Variants in NHLRC3 observed in about 807,000 individuals in gnomAD.
The protein encoded by NHLRC3 is NHL repeat-containing protein 3.
A neutral mutation model predicts 32.0 loss-of-function variants in NHLRC3; 23 were observed. The observed-to-expected ratio is 0.72, with a 90% CI of 0.52 to 1.02. NHLRC3 has a LOEUF of 1.02. Ranked by LOEUF, NHLRC3 falls within the 50% of genes least tolerant of loss-of-function variation. The pLI is 0.00. For missense variants in NHLRC3, 407 were observed against 406.8 expected (o/e 1.00, Z -0.01); for synonymous variants, 159 against 147.9 (o/e 1.08, Z -0.55).
At chr13:39,047,197 A>G (rs972987816) in intron 6 of NHLRC3, 45 bp downstream of exon 6, 1 of 1,080,480 alleles carries the variant, frequency 9.3e-7, no homozygotes, top group South Asian at 1.4e-5. Context: ...TAGTTAGTGT[A>G]TGTGTCTCAC....
At chr13:39,043,964 C>A in intron 4 of NHLRC3, 126 bp from the exon 5 acceptor site, 2 of 713,172 alleles carry the variant, frequency 2.8e-6, no homozygotes, top group Non-Finnish European at 4.9e-6. Context: ...ACAGGAAAGC[C>A]GAGAAAGCAT....
chr13:39,039,184 C>T lies in NHLRC3; in HGVS notation c.133C>T (p.Leu45Phe), dbSNP rs2138148534. 6.2e-7 allele frequency: 1 copy of T among 1,612,170 alleles called. No individual in the cohort carries two copies. The highest frequency in any genetic ancestry group is 1.1e-5 in the South Asian group (1 of 91,036). ...FAVSWRTEKILYRLDVGWPKH... is the reference protein window; with the variant it reads ...FAVSWRTEKIFYRLDVGWPKH... Reference sequence around the variant, plus strand: ...AGTTTCCTGGAGAACTGAGAAAATTCTTTACCGGCTGGATGTGGGTTGGCC... The same window carrying T: ...AGTTTCCTGGAGAACTGAGAAAATTTTTTACCGGCTGGATGTGGGTTGGCC... The change falls in exon 2 of 7, where the codon CTT becomes TTT. Residue 45 changes from leucine (L) to phenylalanine (F), a missense_variant. Leu to Phe is a conservative substitution (Grantham distance 22). Coordinates refer to ENST00000379600, the MANE Select transcript of NHLRC3 (RefSeq NM_001012754.4).
rs1046225613 is a variant in NHLRC3, at chr13:39,038,855, C to G, written c.84+132C>G. On this transcript the variant is annotated intron_variant, in intron 1 of 6. Coordinates refer to ENST00000379600, the MANE Select transcript of NHLRC3 (RefSeq NM_001012754.4). Reference sequence around the variant, plus strand: ...CTTGTCTCAAAGCCTGCACCTGGGTCCAAACTGCCTTGACCCTTTGAGTTT... The same window carrying G: ...CTTGTCTCAAAGCCTGCACCTGGGTGCAAACTGCCTTGACCCTTTGAGTTT... 1.2e-5 allele frequency: 10 copies of G among 811,550 alleles called. No homozygotes were observed. The African/African-American group carries it at 1.7e-4, about 14-fold the overall frequency. The allele number at this position is 811,550 out of a possible 1,614,324, so 50.3% of individuals were successfully genotyped here. A position where few individuals can be genotyped will look rare whatever the true frequency, so the allele number is the denominator to read the frequency against.
Position 39,044,005 on chromosome 13 carries a change from G to A in NHLRC3, c.587-85G>A. The A allele has an allele frequency of 3.1e-6, 3 of 968,374 alleles. No individual in the cohort carries two copies. The Admixed American group carries it at 5.3e-5, about 17-fold the overall frequency. 60.0% of individuals were successfully genotyped at this position (968,374 alleles called of 1,614,324 possible). A position where few individuals can be genotyped will look rare whatever the true frequency, so the allele number is the denominator to read the frequency against. Reference sequence around the variant, plus strand: ...AGTGAACCAGCGGTGTAATTAAATAGTTCTTTGTAACCTGTTTCATAAAAT... The same window carrying A: ...AGTGAACCAGCGGTGTAATTAAATAATTCTTTGTAACCTGTTTCATAAAAT... On this transcript the variant is annotated intron_variant, in intron 4 of 6. Transcript: ENST00000379600.
chr13:39,039,312 A>T (rs368021619), intron 2 of NHLRC3, 24 bp downstream of exon 2: 124 of 1,581,978 alleles, frequency 7.8e-5, no homozygotes, highest in Admixed American at 1.3e-4. Flanking sequence ...GATTTAAAAA[A>T]ATTATGAACA....
At chr13:39,046,807 A>AAGCTTTGGGTTAAGAC (rs1338414947) in intron 5 of NHLRC3, among the ~76,000 whole-genome samples, 2 of 152,208 alleles carry the variant, frequency 1.3e-5, no homozygotes, top group Admixed American at 1.3e-4. Flanking sequence ...AGAGTATTAT[A>AAGCTTTGGGTTAAGAC]AGCTTTGGGT....
Position 39,038,499 on chromosome 13 carries a change from A to C in NHLRC3, c.-141A>C. ...TCCCTTTCGTACTCAAAGCTCGTGC[A>C]TCCAGGGAGGGGAAACCGGAGATAG... On this transcript the variant is annotated 5_prime_UTR_variant, in exon 1 of 7. Coordinates refer to ENST00000379600, the MANE Select transcript of NHLRC3 (RefSeq NM_001012754.4). The C allele has an allele frequency of 1.4e-6, 1 of 709,474 alleles. No individual in the cohort carries two copies. The highest frequency in any genetic ancestry group is 1.6e-5 in the South Asian group (1 of 62,276). The allele number at this position is 709,474 out of a possible 1,614,324, so 43.9% of individuals were successfully genotyped here.
chr13:39,038,787 A>G (rs778819865), intron 1 of NHLRC3, 64 bp downstream of exon 1: 104 of 1,361,746 alleles, frequency 7.6e-5, no homozygotes, highest in Admixed American at 1.0e-4. Flanking sequence ...AGGCGTCGCC[A>G]CGGTCGTGGC....
chr13:39,047,738 G>A lies in NHLRC3; in HGVS notation c.856G>A (p.Ala286Thr). ...GAATCTTAGCAGGCTCTCAGTCGTA[G>A]CAGCACCCCCAGTGGGAAGCATTGG... ...QLNLSRLSVV[A>T]APPVGSIGEC... The change falls in exon 7 of 7, where the codon GCA becomes ACA. Residue 286 changes from alanine to threonine, a missense_variant. Physicochemically the swap from Ala to Thr is moderately conservative, Grantham distance 58. Transcript: ENST00000379600. 1 of 1,614,088 alleles carries A rather than the reference G, an allele frequency of 6.2e-7. No homozygotes were observed. The highest frequency in any genetic ancestry group is 1.1e-5 in the South Asian group (1 of 91,074).
rs1871569086 is a variant in NHLRC3 at position 39,044,136 on chromosome 13, TAA to T, written c.634_635del (p.Lys212ValfsTer10). ...LHGENGTGPAKFNIPHSVTLD... is the reference protein window; with the variant it reads ...LHGENGTGPAXFNIPHSVTLD... ...ATGGAGAAAATGGGACAGGGCCTGC[TAA>T]GTTCAACATACCTCACAGTGTTACA... On this transcript the variant is annotated frameshift_variant, in exon 5 of 7. Transcript: ENST00000379600. LOFTEE classifies it high-confidence loss of function. The T allele has an allele frequency of 6.2e-7, 1 of 1,613,980 alleles. No homozygotes were observed. The highest frequency in any genetic ancestry group is 8.5e-7 in the Non-Finnish European group (1 of 1,179,830).
In NHLRC3 at chr13:39,048,116, C is replaced by A; in HGVS notation, c.*190C>A. 2.0e-6 allele frequency: 1 copy of A among 507,216 alleles called. No homozygotes were observed. 31.4% of individuals were successfully genotyped at this position (507,216 alleles called of 1,614,324 possible). A position where few individuals can be genotyped will look rare whatever the true frequency, so the allele number is the denominator to read the frequency against. On this transcript the variant is annotated 3_prime_UTR_variant, in exon 7 of 7. Coordinates refer to ENST00000379600, the MANE Select transcript of NHLRC3 (RefSeq NM_001012754.4). ...TGGGACTTAGTTTTATTTGTAAGTG[C>A]ATAAGGATATTTTAATGAAAGGAAA...
chr13:39,042,490 A>G (rs1871505365), intron 4 of NHLRC3, among the ~76,000 whole-genome samples, 185 bp downstream of exon 4: 1 of 152,208 alleles, frequency 6.6e-6, no homozygotes, highest in Non-Finnish European at 1.5e-5. Flanking sequence ...TAACAGGCCC[A>G]CTTATTCTTC....
intron 3 of NHLRC3, chr13:39,040,988 A>G (rs563014059): frequency 9.8e-5 from 15 of 152,342 alleles, no homozygotes; most frequent in African/African-American, 3.4e-4. Flanking sequence ...CTGAAGATCC[A>G]CTGTTAAAGA....
Position 39,042,385 on chromosome 13 carries a change from T to A in NHLRC3, c.586+80T>A, listed in dbSNP as rs530468871. On this transcript the variant is annotated intron_variant, in intron 4 of 6. Coordinates refer to ENST00000379600, the MANE Select transcript of NHLRC3 (RefSeq NM_001012754.4). ...TCGATATTTGGTATAATGTTTTAAG[T>A]GTTGTGTATGAAGCGGTGTGTAAAG... The A allele has an allele frequency of 6.7e-6, 6 of 897,786 alleles. No homozygotes were observed. In the South Asian group the frequency reaches 1.0e-4, roughly 16 times the overall value. 55.6% of individuals were successfully genotyped at this position (897,786 alleles called of 1,614,324 possible). A position where few individuals can be genotyped will look rare whatever the true frequency, so the allele number is the denominator to read the frequency against.
At chr13:39,047,295 T>C (rs1057414871) in intron 6 of NHLRC3, 143 bp downstream of exon 6, 1 of 589,950 alleles carries the variant, frequency 1.7e-6, no homozygotes, top group African/African-American at 1.9e-5. Flanking sequence ...AAATTTGATA[T>C]CCAAGATTTT....
chr13:39,047,072 C>A lies in NHLRC3; in HGVS notation c.711C>A (p.Ile237=). The A allele has an allele frequency of 6.2e-7, 1 of 1,612,692 alleles. No homozygotes were observed. Among genetic ancestry groups the A allele is most frequent in the Non-Finnish European group, 8.5e-7 (1 of 1,179,182 alleles). ...VWVADRGNKR[I]QVFDKDTGEW... ...TTGCTGACCGAGGAAATAAAAGAAT[C>A]CAAGTATTTGATAAAGACACTGGGG... The change falls in exon 6 of 7, where the codon ATC becomes ATA. Residue 237 remains isoleucine, a synonymous_variant. Transcript: ENST00000379600.
intron 1 of NHLRC3, 112 bp downstream of exon 1, chr13:39,038,835 C>A: frequency 1.1e-6 from 1 of 915,330 alleles, no homozygotes; most frequent in Non-Finnish European, 1.8e-6. Context: ...AGTAGCTTGT[C>A]TCAAAGCCTG....
rs1228512728 is a variant in NHLRC3, at chr13:39,039,668, T to G, written c.342T>G (p.Ser114Arg). Reference protein sequence around the residue: ...VDTPHGIFAASTLYEQSVWIT... With the variant: ...VDTPHGIFAARTLYEQSVWIT... ...CACCTCATGGTATATTTGCAGCCAG[T>G]ACTCTATATGAACAATCCGTCTGGA... The change falls in exon 3 of 7, where the codon AGT (serine) becomes AGG (arginine). Residue 114 changes from serine (S) to arginine (R), a missense_variant. Ser to Arg is a moderately radical substitution (Grantham distance 110, BLOSUM62 -1). Transcript: ENST00000379600. 1.4e-5 allele frequency: 23 copies of G among 1,613,010 alleles called. No homozygotes were observed. Among genetic ancestry groups the G allele is most frequent in the Non-Finnish European group, 2.0e-5 (23 of 1,179,006 alleles).
rs199618630 is a variant in NHLRC3, at chr13:39,038,707, G to C, written c.68G>C (p.Arg23Pro). Residue 23 changes from arginine (R) to proline (P), a missense_variant, in exon 1 of 7, where the codon CGT (arginine) becomes CCT (proline). Arg to Pro is a moderately radical substitution (Grantham distance 103). Coordinates refer to ENST00000379600, the MANE Select transcript of NHLRC3 (RefSeq NM_001012754.4). ...CTTGCATTTTTGGTTTTGCATTCGC[G>C]TTTTTGTGGCTCTCCAGTGAGTTGG... ...FFLAFLVLHS[R>P]FCGSPVLRNF... 1.2e-6 allele frequency: 2 copies of C among 1,613,964 alleles called. No homozygotes were observed. The highest frequency in any genetic ancestry group is 1.7e-6 in the Non-Finnish European group (2 of 1,179,826).
Sources: gnomAD v4.1 joint callset for allele counts (sites outside exome capture counted in the v4.1 genomes callset) on GRCh38, gnomAD v4.1.1 for gene constraint, MANE v1.5 for transcripts, NCBI Gene and HGNC (gene_info 2026-07-23, HGNC 2026-07-21) for gene names.